Variants in TRPC7 observed in about 807,000 individuals in gnomAD.
The protein encoded by TRPC7 is transient receptor potential cation channel subfamily C member 7, also known as short transient receptor potential channel 7.
In TRPC7, 42 loss-of-function variants were observed where a neutral mutation model predicts 90.1. The ratio of observed to expected loss-of-function variants is 0.47; its 90% confidence interval spans 0.36 to 0.60. TRPC7 has a LOEUF of 0.60. Among genes scored for constraint, TRPC7 ranks in the 20% least tolerant of loss-of-function variants. TRPC7 has a pLI of 0.00. For missense variants in TRPC7, 955 were observed against 1,112.3 expected (o/e 0.86, Z 2.01); for synonymous variants, 451 against 436.3 (o/e 1.03, Z -0.42).
intron 3 of TRPC7, among the ~76,000 whole-genome samples, chr5:136,307,896 G>T (rs1221460071): frequency 6.6e-6 from 1 of 152,212 alleles, no homozygotes; most frequent in Non-Finnish European, 1.5e-5. Flanking sequence ...TAGGTACATT[G>T]CATGTGTTCT....
chr5:136,325,397 A>G (rs1759315561), intron 2 of TRPC7, among the ~76,000 whole-genome samples: 1 of 152,160 alleles, frequency 6.6e-6, no homozygotes, highest in Admixed American at 6.6e-5. Context: ...TAGGGTCAAG[A>G]GAAGCTTGTT....
Position 136,247,408 on chromosome 5 carries a change from A to T in TRPC7, c.1844+63T>A. ...GTCTCTGCAAGAAGCCACCTTCAGGAGACTCCCAAGGATTCCCAGGAAGCC... is the reference window on the plus strand; with the variant it reads ...GTCTCTGCAAGAAGCCACCTTCAGGTGACTCCCAAGGATTCCCAGGAAGCC... On this transcript the variant is annotated intron_variant, in intron 7 of 11. Transcript: ENST00000513104. The surrounding 1 kb of genome is among the most constrained non-coding windows in gnomAD (Gnocchi z 4.2). 1 of 1,523,266 alleles carries T rather than the reference A, an allele frequency of 6.6e-7. No homozygotes were observed. Among genetic ancestry groups the T allele is most frequent in the Non-Finnish European group, 8.8e-7 (1 of 1,131,172 alleles). The allele number at this position is 1,523,266 out of a possible 1,614,324, so 94.4% of individuals were successfully genotyped here.
chr5:136,277,961 G>T (rs908586319), intron 3 of TRPC7, among the ~76,000 whole-genome samples: 6 of 152,198 alleles, frequency 3.9e-5, no homozygotes, highest in Admixed American at 3.9e-4. Flanking sequence ...CTGGAGCGGA[G>T]AATCTGTGAA....
At chr5:136,274,007 T>TC (rs910565484) in intron 4 of TRPC7, among the ~76,000 whole-genome samples, 2 of 152,148 alleles carry the variant, frequency 1.3e-5, no homozygotes, top group African/African-American at 4.8e-5. Flanking sequence ...CACTGGACAC[T>TC]CCCCCTCAGG....
intron 4 of TRPC7, among the ~76,000 whole-genome samples, chr5:136,268,552 G>T (rs1463107958): frequency 6.6e-6 from 1 of 152,208 alleles, no homozygotes; most frequent in African/African-American, 2.4e-5. Flanking sequence ...TGAGGCACCT[G>T]ATTCCTGGAA....
rs529330866 is a variant in TRPC7, at chr5:136,299,340, C to CGTGTGT, written c.963+16251_963+16256dup. ...GAAATTTCTCTGACTGGGGTGTGTG[C>CGTGTGT]GTGTGTGTGTGTGTGTGTGTGTGTG... On this transcript the variant is annotated intron_variant, in intron 3 of 11. Transcript: ENST00000513104. 1.6e-3 allele frequency among the ~76,000 whole-genome samples: 193 copies of CGTGTGT among 122,714 alleles called. 1 individual carries two copies. The highest frequency in any genetic ancestry group is 2.3e-3 in the Non-Finnish European group (133 of 58,120). 80.5% of individuals were successfully genotyped at this position (122,714 alleles called of 152,430 possible). A position where few individuals can be genotyped will look rare whatever the true frequency, so the allele number is the denominator to read the frequency against.
At chr5:136,253,101 A>T (rs1756576812) in intron 5 of TRPC7, among the ~76,000 whole-genome samples, 1 of 152,276 alleles carries the variant, frequency 6.6e-6, no homozygotes. Context: ...AAAGTATCTC[A>T]TTAATAATTT....
At chr5:136,347,388 G>A (rs545790375) in intron 2 of TRPC7, among the ~76,000 whole-genome samples, 4 of 152,262 alleles carry the variant, frequency 2.6e-5, no homozygotes, top group African/African-American at 9.6e-5. Flanking sequence ...GCAAGGAAAA[G>A]GAAGGAGAAG....
At position 136,356,924 on chromosome 5, in the gene TRPC7, T is replaced by C. The variant is rs747604567; in HGVS notation, c.464A>G (p.Asp155Gly). 3 of 1,613,700 alleles carry C rather than the reference T, an allele frequency of 1.9e-6. No homozygotes were observed. In the South Asian group the frequency reaches 3.3e-5, roughly 18 times the overall value. ...ELRDDDFYAY[D>G]EDGTRFSHDI... is the part of the protein sequence containing the mutation. ...GTGGGAGAAGCGCGTGCCGTCCTCGTCGTAGGCATAGAAGTCGTCGTCGCG... is the reference window on the plus strand; with the variant it reads ...GTGGGAGAAGCGCGTGCCGTCCTCGCCGTAGGCATAGAAGTCGTCGTCGCG... The change falls in exon 2 of 12, where the codon GAC becomes GGC. Residue 155 changes from aspartate to glycine, a missense_variant. Transcript: ENST00000513104.
intron 10 of TRPC7, among the ~76,000 whole-genome samples, chr5:136,216,486 C>A (rs971376273): frequency 2.0e-5 from 3 of 152,208 alleles, no homozygotes; most frequent in African/African-American, 7.2e-5. Flanking sequence ...CAATGTGCAA[C>A]TGAACCTGGG....
chr5:136,355,352 C>T (rs1760331103), intron 2 of TRPC7, among the ~76,000 whole-genome samples: 1 of 152,146 alleles, frequency 6.6e-6, no homozygotes, highest in East Asian at 1.9e-4. Context: ...AATGGTTTCG[C>T]TATTTACTAG....
At chr5:136,300,742 A>G (rs1277214312) in intron 3 of TRPC7, among the ~76,000 whole-genome samples, 1 of 152,226 alleles carries the variant, frequency 6.6e-6, no homozygotes, top group Non-Finnish European at 1.5e-5. Flanking sequence ...TGGATTGTTT[A>G]CATAGGCTTT....
intron 5 of TRPC7, among the ~76,000 whole-genome samples, chr5:136,261,898 G>A (rs1427686949): frequency 6.6e-6 from 1 of 152,056 alleles, no homozygotes; most frequent in Non-Finnish European, 1.5e-5. Context: ...CTAGAGTCTT[G>A]GTTTCCATCT....
chr5:136,232,569 T>C (rs1755851517), intron 7 of TRPC7, among the ~76,000 whole-genome samples: 1 of 152,258 alleles, frequency 6.6e-6, no homozygotes. Flanking sequence ...AGATGCTGCA[T>C]GTGCCTTGAA....
intron 6 of TRPC7, among the ~76,000 whole-genome samples, chr5:136,250,825 G>A (rs1756494269): frequency 6.6e-6 from 1 of 152,044 alleles, no homozygotes; most frequent in South Asian, 2.1e-4. Context: ...TTGAATCCAG[G>A]TCTCTTCTAC....
chr5:136,355,350 C>T (rs565554293), intron 2 of TRPC7, among the ~76,000 whole-genome samples: 4 of 152,156 alleles, frequency 2.6e-5, no homozygotes, highest in South Asian at 2.1e-4. Context: ...AAAATGGTTT[C>T]GCTATTTACT....
intron 7 of TRPC7, among the ~76,000 whole-genome samples, chr5:136,232,863 C>CTT: frequency 6.7e-6 from 1 of 150,354 alleles, no homozygotes; most frequent in Admixed American, 6.6e-5. Flanking sequence ...TAAGAAAGCA[C>CTT]TTTTTTTTTT....
chr5:136,347,270 A>G (rs1053354339), intron 2 of TRPC7, among the ~76,000 whole-genome samples: 3 of 152,180 alleles, frequency 2.0e-5, no homozygotes, highest in South Asian at 2.1e-4. Context: ...ACAACCACCC[A>G]TACTCAATTG....
At chr5:136,319,345 C>T (rs1372876713) in intron 2 of TRPC7, among the ~76,000 whole-genome samples, 1 of 152,148 alleles carries the variant, frequency 6.6e-6, no homozygotes, top group African/African-American at 2.4e-5. Flanking sequence ...TGCTTATGTG[C>T]TGGATATCAA....
Sources: allele counts gnomAD v4.1 joint callset (sites outside exome capture counted in the v4.1 genomes callset), GRCh38; gene constraint gnomAD v4.1.1; non-coding constraint Gnocchi (gnomAD v3.1); transcripts MANE v1.5; gene names NCBI Gene and HGNC (gene_info 2026-07-23, HGNC 2026-07-21).